ACYP2: variants seen among roughly 807,000 people sequenced by gnomAD.
ACYP2 encodes the protein acylphosphatase-2.
Under a neutral mutation model 11.2 loss-of-function variants are expected in ACYP2, and 12 were observed. The ratio of observed to expected loss-of-function variants is 1.08; its 90% CI spans 0.69 to 1.74. ACYP2 has a LOEUF of 1.74. Among genes scored for constraint, ACYP2 ranks in the 40% most tolerant of loss-of-function variants. The probability of loss-of-function intolerance (pLI) is 0.00; values close to 1 mark genes in which losing one functional copy is unlikely to be tolerated. For missense variants in ACYP2, 134 were observed against 101.9 expected (o/e 1.31, Z -1.35); for synonymous variants, 43 against 32.2 (o/e 1.33, Z -1.13).
At chr2:54,171,077 T>G (rs1474706141) in intron 6 of ACYP2, among the ~76,000 whole-genome samples, 1 of 152,100 alleles carries the variant, frequency 6.6e-6, no homozygotes, top group African/African-American at 2.4e-5. Flanking sequence ...ATGTGACAGA[T>G]CCTGGGCCGG....
At position 54,031,660 on chromosome 2, in the gene ACYP2, C is replaced by G. The variant is rs1488530311; in HGVS notation, c.63-19298C>G. 2.0e-5 allele frequency among the ~76,000 whole-genome samples: 3 copies of G among 152,134 alleles called. No individual in the cohort carries two copies. In the East Asian group the frequency reaches 5.8e-4, roughly 29 times the overall value. ...ATGCCCAGTAATGGGATTGTTGGGT[C>G]AAATGGTATTTCTAGTTCTAGATCC... On this transcript the variant is annotated intron_variant, in intron 2 of 6. Coordinates refer to ENST00000607452, the MANE Select transcript of ACYP2 (RefSeq NM_001320586.2).
chr2:54,264,296 G>A (rs1197093805), intron 6 of ACYP2, among the ~76,000 whole-genome samples: 1 of 152,168 alleles, frequency 6.6e-6, no homozygotes, highest in Non-Finnish European at 1.5e-5. Context: ...AAAGAACAAA[G>A]CTTCCACAGC....
At chr2:54,072,730 T>A (rs949924908) in intron 4 of ACYP2, among the ~76,000 whole-genome samples, 1 of 152,006 alleles carries the variant, frequency 6.6e-6, no homozygotes, top group Non-Finnish European at 1.5e-5. Flanking sequence ...GCCAGGCTAA[T>A]TTTTGTATTT....
chr2:54,218,867 C>G (rs1179983464), intron 6 of ACYP2, among the ~76,000 whole-genome samples: 1 of 152,122 alleles, frequency 6.6e-6, no homozygotes, highest in Non-Finnish European at 1.5e-5. Context: ...TAAACTTCTG[C>G]TCTTATCTCT....
chr2:54,012,001 C>T (rs1440677619), intron 2 of ACYP2, among the ~76,000 whole-genome samples: 9 of 151,940 alleles, frequency 5.9e-5, no homozygotes, highest in Non-Finnish European at 1.3e-4. Flanking sequence ...TTTGAGAGGC[C>T]GAGGTTGGTG....
intron 2 of ACYP2, among the ~76,000 whole-genome samples, chr2:53,996,391 C>G (rs375614929): frequency 6.6e-6 from 1 of 152,034 alleles, no homozygotes; most frequent in South Asian, 2.1e-4. Flanking sequence ...GCCTTCAGAT[C>G]TGGATGCTGA....
chr2:54,261,788 T>G (rs898203929), intron 6 of ACYP2, among the ~76,000 whole-genome samples: 3 of 152,224 alleles, frequency 2.0e-5, no homozygotes, highest in African/African-American at 7.2e-5. Context: ...TTTCGTAAGA[T>G]TCAAAAGAAT....
intron 6 of ACYP2, among the ~76,000 whole-genome samples, chr2:54,217,377 T>C (rs1473899299): frequency 6.6e-6 from 1 of 152,122 alleles, no homozygotes; most frequent in Non-Finnish European, 1.5e-5. Flanking sequence ...TGTTTGTTTG[T>C]TTGTTTTGAG....
At chr2:54,279,021 A>G (rs1332117337) in intron 6 of ACYP2, among the ~76,000 whole-genome samples, 2 of 152,230 alleles carry the variant, frequency 1.3e-5, no homozygotes, top group Non-Finnish European at 2.9e-5. Flanking sequence ...CTGACCCATG[A>G]TAAGTTAAAC....
intron 3 of ACYP2, among the ~76,000 whole-genome samples, chr2:54,055,451 A>T (rs924898961): frequency 6.6e-6 from 1 of 152,230 alleles, no homozygotes; most frequent in Non-Finnish European, 1.5e-5. Context: ...AACAATTTGT[A>T]TTTATATAGC....
At chr2:54,270,631 A>G (rs1325694959) in intron 6 of ACYP2, among the ~76,000 whole-genome samples, 3 of 152,186 alleles carry the variant, frequency 2.0e-5, no homozygotes, top group Non-Finnish European at 4.4e-5. Flanking sequence ...AAGATAAAAA[A>G]TAAAAATGAA....
chr2:54,165,842 T>C (rs914890550), intron 6 of ACYP2, among the ~76,000 whole-genome samples: 5 of 152,084 alleles, frequency 3.3e-5, no homozygotes, highest in African/African-American at 1.2e-4. Context: ...AGTTTATATA[T>C]ATCTATTTTA....
chr2:54,210,172 A>C (rs1359029697), intron 6 of ACYP2, among the ~76,000 whole-genome samples: 1 of 151,116 alleles, frequency 6.6e-6, no homozygotes, highest in Admixed American at 6.6e-5. Context: ...AAAAAAATTA[A>C]CAGAGAACCA....
chr2:54,146,517 C>T (rs182705231), intron 6 of ACYP2, among the ~76,000 whole-genome samples: 47 of 151,782 alleles, frequency 3.1e-4, no homozygotes, highest in Middle Eastern at 3.4e-3. Context: ...TCAAGTGATC[C>T]GCCTGCCATG....
intron 2 of ACYP2, among the ~76,000 whole-genome samples, chr2:54,027,432 G>C (rs1012549992): frequency 2.6e-5 from 4 of 152,096 alleles, no homozygotes; most frequent in Non-Finnish European, 5.9e-5. Flanking sequence ...CTGAACAAAC[G>C]AGCCTAATTC....
chr2:54,009,009 C>T (rs745795062), intron 2 of ACYP2, among the ~76,000 whole-genome samples: 19 of 150,614 alleles, frequency 1.3e-4, no homozygotes, highest in African/African-American at 3.4e-4. Context: ...AAAAATTAGC[C>T]GGGAGTGGTG....
chr2:54,081,871 C>T (rs946491895), intron 4 of ACYP2, among the ~76,000 whole-genome samples: 12 of 152,118 alleles, frequency 7.9e-5, no homozygotes, highest in Admixed American at 2.0e-4. Context: ...TCATGACTGG[C>T]GGTTGGCTGG....
intron 6 of ACYP2, among the ~76,000 whole-genome samples, chr2:54,268,899 TGAGA>T (rs1688157665): frequency 6.6e-6 from 1 of 152,214 alleles, no homozygotes; most frequent in South Asian, 2.1e-4. Context: ...TGTCATAACC[TGAGA>T]GTTTACAATG....
At chr2:54,065,693 A>G in intron 4 of ACYP2, 1 of 393,748 alleles carries the variant, frequency 2.5e-6, no homozygotes, top group Non-Finnish European at 4.5e-6. Flanking sequence ...CATATTGGTG[A>G]ATAAAATGTT....
Sources: gnomAD v4.1 joint callset for allele counts (sites outside exome capture counted in the v4.1 genomes callset) on GRCh38, gnomAD v4.1.1 for gene constraint, MANE v1.5 for transcripts, NCBI Gene and HGNC (gene_info 2026-07-23, HGNC 2026-07-21) for gene names.